The following HHAT variants were observed in gnomAD, a reference collection of about 807,000 sequenced individuals.
HHAT encodes the protein protein-cysteine N-palmitoyltransferase HHAT.
In HHAT, 47 loss-of-function variants were observed where a neutral mutation model predicts 70.8. The ratio of observed to expected loss-of-function variants is 0.66; its 90% CI spans 0.53 to 0.85. The LOEUF (loss-of-function observed/expected upper bound fraction) is 0.85. HHAT is among the 40% of genes least tolerant of loss of function. HHAT has a pLI of 0.00. For missense variants in HHAT, 609 were observed against 604.8 expected (o/e 1.01, Z -0.07); for synonymous variants, 228 against 247.6 (o/e 0.92, Z 0.74).
chr1:210,668,176 A>T (rs767191329), intron 11 of HHAT, among the ~76,000 whole-genome samples: 1 of 152,096 alleles, frequency 6.6e-6, no homozygotes, highest in South Asian at 2.1e-4. Context: ...AATCTCTTGT[A>T]TTTTTACACC....
chr1:210,662,509 AAC>A (rs1158251227), intron 11 of HHAT, among the ~76,000 whole-genome samples: 1 of 152,190 alleles, frequency 6.6e-6, no homozygotes, highest in Non-Finnish European at 1.5e-5. Flanking sequence ...CTGGAATAAA[AAC>A]ACAGGTTAAA....
intron 8 of HHAT, among the ~76,000 whole-genome samples, chr1:210,487,631 G>A (rs1399154542): frequency 5.9e-5 from 9 of 152,168 alleles, no homozygotes; most frequent in African/African-American, 2.2e-4. Flanking sequence ...TTCAGAAGAT[G>A]TTGCTCCAAA....
chr1:210,505,225 G>C (rs186171702), intron 8 of HHAT, among the ~76,000 whole-genome samples: 3 of 152,246 alleles, frequency 2.0e-5, no homozygotes, highest in Middle Eastern at 3.4e-3. Flanking sequence ...ACTGTGAGCA[G>C]GTTGAGACGT....
chr1:210,389,419 A>G (rs2091304367), intron 4 of HHAT, among the ~76,000 whole-genome samples: 1 of 152,174 alleles, frequency 6.6e-6, no homozygotes, highest in Non-Finnish European at 1.5e-5. Flanking sequence ...AATTCATGAC[A>G]TGGTTTGGCT....
intron 3 of HHAT, among the ~76,000 whole-genome samples, chr1:210,375,962 C>T (rs986651591): frequency 1.3e-5 from 2 of 150,788 alleles, no homozygotes; most frequent in African/African-American, 4.9e-5. Flanking sequence ...AATGATTCTT[C>T]TAACCCTCCC....
At chr1:210,421,665 G>C (rs960542988) in intron 7 of HHAT, among the ~76,000 whole-genome samples, 4 of 152,010 alleles carry the variant, frequency 2.6e-5, no homozygotes, top group African/African-American at 9.7e-5. Flanking sequence ...GGCTGGTCTT[G>C]AACTCCTGAC....
At chr1:210,450,499 T>TA (rs879502556) in intron 7 of HHAT, among the ~76,000 whole-genome samples, 1 of 150,934 alleles carries the variant, frequency 6.6e-6, no homozygotes, top group African/African-American at 2.4e-5. Flanking sequence ...ATCTTATTTT[T>TA]AAAAAAATTT....
intron 9 of HHAT, among the ~76,000 whole-genome samples, chr1:210,515,659 G>C (rs2095042118): frequency 6.6e-6 from 1 of 151,526 alleles, no homozygotes; most frequent in Admixed American, 6.6e-5. Context: ...TCGGGAGGCT[G>C]AGGCAGGAGA....
chr1:210,463,806 A>G (rs1481684391), intron 7 of HHAT, among the ~76,000 whole-genome samples: 1 of 152,220 alleles, frequency 6.6e-6, no homozygotes, highest in African/African-American at 2.4e-5. Flanking sequence ...CCAGATCTTC[A>G]TCAACACTTG....
At chr1:210,353,443 TTTTTTTTTTTTAAA>T (rs2087262731) in intron 2 of HHAT, among the ~76,000 whole-genome samples, 1 of 123,548 alleles carries the variant, frequency 8.1e-6, no homozygotes, top group Non-Finnish European at 1.8e-5. Context: ...TGTTTTTTTT[TTTTTTTTTTTTAAA>T]AAAAAGCACC....
At chr1:210,655,507 GA>G (rs1676198707) in intron 11 of HHAT, among the ~76,000 whole-genome samples, 1 of 152,146 alleles carries the variant, frequency 6.6e-6, no homozygotes, top group African/African-American at 2.4e-5. Flanking sequence ...GCTGTGAGAG[GA>G]ACTCTTGCTG....
At chr1:210,328,557 C>G (rs190305311), upstream of HHAT, among the ~76,000 whole-genome samples, 118 of 152,358 alleles carry the variant, frequency 7.7e-4, 2 homozygotes, top group East Asian at 0.016. Flanking sequence ...CACCCTCTTT[C>G]CACCGCACCG....
chr1:210,409,572 A>G (rs1194432044), intron 6 of HHAT, among the ~76,000 whole-genome samples: 1 of 152,178 alleles, frequency 6.6e-6, no homozygotes. Flanking sequence ...AACAACTGCC[A>G]CAAGGCCTCC....
intron 2 of HHAT, among the ~76,000 whole-genome samples, chr1:210,349,969 C>T (rs2086871068): frequency 6.6e-6 from 1 of 152,106 alleles, no homozygotes; most frequent in Non-Finnish European, 1.5e-5. Flanking sequence ...TACAGGAGTG[C>T]ACCACCATGC....
intron 8 of HHAT, among the ~76,000 whole-genome samples, chr1:210,506,125 G>A (rs564215798): frequency 6.6e-6 from 1 of 152,254 alleles, no homozygotes; most frequent in African/African-American, 2.4e-5. Context: ...GTAAGCATAT[G>A]GGCAGCACCA....
At chr1:210,542,259 T>C (rs945846317) in intron 9 of HHAT, among the ~76,000 whole-genome samples, 2 of 152,112 alleles carry the variant, frequency 1.3e-5, no homozygotes, top group Admixed American at 6.5e-5. Flanking sequence ...AATAAATAGG[T>C]AGGGGTGGGA....
intron 9 of HHAT, among the ~76,000 whole-genome samples, chr1:210,515,918 A>G (rs1009462721): frequency 6.6e-6 from 1 of 152,034 alleles, no homozygotes; most frequent in African/African-American, 2.4e-5. Context: ...AAAAATACAA[A>G]AATTAGCCAG....
chr1:210,391,221 A>G (rs911863648), intron 4 of HHAT, among the ~76,000 whole-genome samples: 1 of 152,226 alleles, frequency 6.6e-6, no homozygotes, highest in Non-Finnish European at 1.5e-5. Flanking sequence ...GAAAAGCAAT[A>G]AAAACAAGAT....
intron 11 of HHAT, among the ~76,000 whole-genome samples, chr1:210,651,702 T>A (rs1675195036): frequency 6.6e-6 from 1 of 152,054 alleles, no homozygotes; most frequent in Admixed American, 6.5e-5. Context: ...AGGAAGGAAG[T>A]TCAGTTGTCC....
Sources: allele counts gnomAD v4.1 joint callset (sites outside exome capture counted in the v4.1 genomes callset), GRCh38; gene constraint gnomAD v4.1.1; transcripts MANE v1.5; gene names NCBI Gene and HGNC (gene_info 2026-07-23, HGNC 2026-07-21).